Variants in MECR observed in about 807,000 individuals in gnomAD.
MECR encodes the protein enoyl-[acyl-carrier-protein] reductase, mitochondrial.
MECR carries 37 observed loss-of-function variants against 49.1 expected under a neutral mutation model. The ratio of observed to expected loss-of-function variants is 0.75; its 90% confidence interval spans 0.58 to 0.99. The LOEUF (loss-of-function observed/expected upper bound fraction) is 0.99, where lower values mean the gene tolerates loss of function less well. Among genes scored for constraint, MECR ranks in the 50% least tolerant of loss-of-function variants. MECR has a pLI of 0.00. For missense variants in MECR, 470 were observed against 479.6 expected, an observed-to-expected ratio of 0.98 and a Z score of 0.19; for synonymous variants, 198 against 191.1, an observed-to-expected ratio of 1.04 and a Z score of -0.30.
chr1:29,203,246 G>A lies in MECR; in HGVS notation c.551-13C>T, dbSNP rs1438092589. On this transcript the variant is annotated splice_polypyrimidine_tract_variant and intron_variant, in intron 4 of 9. Transcript: ENST00000263702. ...ATGACAGAATCCCCTGTGGAGCCAG[G>A]AAGAGAACCAAATCAAGCCCTGTAT... The A allele has an allele frequency of 1.3e-6, 2 of 1,558,040 alleles. No individual in the cohort carries two copies. The highest frequency in any genetic ancestry group is 3.7e-5 in the Admixed American group (2 of 53,950).
chr1:29,182,400 T>G, the MECR span, among the ~76,000 whole-genome samples: 9 of 152,288 alleles, frequency 5.9e-5, no homozygotes, highest in East Asian at 1.5e-3. Context: ...TTAGTAGTTT[T>G]GTCATATCAA....
downstream of MECR, among the ~76,000 whole-genome samples, chr1:29,187,897 C>T (rs112731442): frequency 0.31 from 44,629 of 146,308 alleles, 7,072 homozygotes; most frequent in Middle Eastern, 0.35. Flanking sequence ...ATTAGCCAGG[C>T]GTGGTGGTGG....
At chr1:29,202,690 C>T (rs1675600194) in intron 5 of MECR, among the ~76,000 whole-genome samples, 1 of 152,198 alleles carries the variant, frequency 6.6e-6, no homozygotes, top group South Asian at 2.1e-4. Flanking sequence ...GATGACAAAC[C>T]TGCCCCTGTC....
chr1:29,209,068 G>T (rs1677306626), intron 3 of MECR, among the ~76,000 whole-genome samples: 1 of 152,164 alleles, frequency 6.6e-6, no homozygotes, highest in African/African-American at 2.4e-5. Context: ...TTGAGACATG[G>T]CTGGCCTGGC....
Position 29,203,252 on chromosome 1 carries a change from A to G in MECR, c.551-19T>C. 1 of 1,548,684 alleles carries G rather than the reference A, an allele frequency of 6.5e-7. No homozygotes were observed. Among genetic ancestry groups the G allele is most frequent in the Non-Finnish European group, 8.8e-7 (1 of 1,138,738 alleles). The stretch of plus-strand genomic sequence containing the variant: ...GAATCCCCTGTGGAGCCAGGAAGAG[A>G]ACCAAATCAAGCCCTGTATAGATCT... On this transcript the variant is annotated intron_variant, in intron 4 of 9. Coordinates refer to ENST00000263702, the MANE Select transcript of MECR (RefSeq NM_016011.5).
intron 1 of MECR, chr1:29,224,452 G>A (rs1043016285): frequency 2.6e-5 from 4 of 152,208 alleles, no homozygotes; most frequent in Admixed American, 6.5e-5. Flanking sequence ...CAATGCCTGT[G>A]TTACTTTCCT....
At chr1:29,176,097 A>G in the MECR span, among the ~76,000 whole-genome samples, 1 of 151,906 alleles carries the variant, frequency 6.6e-6, no homozygotes, top group Non-Finnish European at 1.5e-5. Flanking sequence ...CTAAAAATAC[A>G]AAAAATTAGC....
chr1:29,188,186 T>G (rs1328253717), downstream of MECR, among the ~76,000 whole-genome samples: 1 of 151,064 alleles, frequency 6.6e-6, no homozygotes, highest in African/African-American at 2.4e-5. Flanking sequence ...ATGGGAAGGA[T>G]TTGGAGTTTA....
rs1464020122 is a variant in MECR at position 29,202,046 on chromosome 1, C to A, written c.654-1G>T. The A allele has an allele frequency of 6.2e-7, 1 of 1,613,856 alleles. No homozygotes were observed. On this transcript the variant is annotated splice_acceptor_variant, in intron 5 of 9. Coordinates refer to ENST00000263702, the MANE Select transcript of MECR (RefSeq NM_016011.5). LOFTEE classifies it high-confidence loss of function. ...GTCACTCAGCTTCTGGATATCAGGT[C>A]TGGAAACCAAACATAGGTCCCTGGT... is the stretch of plus-strand genomic sequence containing the variant.
chr1:29,183,494 C>T, the MECR span, among the ~76,000 whole-genome samples: 1 of 152,076 alleles, frequency 6.6e-6, no homozygotes, highest in Non-Finnish European at 1.5e-5. Context: ...TGGCTGTTTC[C>T]TCATATCCTC....
intron 1 of MECR, among the ~76,000 whole-genome samples, chr1:29,229,370 T>C (rs905259700): frequency 6.6e-6 from 1 of 152,056 alleles, no homozygotes; most frequent in African/African-American, 2.4e-5. Flanking sequence ...GCCCGGCTAA[T>C]TTTTTTGTAT....
the MECR span, among the ~76,000 whole-genome samples, chr1:29,176,661 C>T: frequency 6.6e-6 from 1 of 152,126 alleles, no homozygotes; most frequent in African/African-American, 2.4e-5. Context: ...GTATCTAAGG[C>T]TTAATAATGC....
At chr1:29,217,256 C>T (rs1391897202) in intron 1 of MECR, among the ~76,000 whole-genome samples, 1 of 143,236 alleles carries the variant, frequency 7.0e-6, no homozygotes, top group Non-Finnish European at 1.5e-5. Flanking sequence ...GTCACCCAGG[C>T]TGGAGTGCAG....
intron 1 of MECR, 97 bp downstream of exon 1, chr1:29,230,634 T>C (rs1423531278): frequency 1.4e-6 from 2 of 1,452,706 alleles, no homozygotes; most frequent in Non-Finnish European, 1.9e-6. Flanking sequence ...CTCTGCCCCC[T>C]TCCTCGGACC....
the MECR span, chr1:29,170,193 A>T: frequency 6.6e-6 from 1 of 152,214 alleles, no homozygotes; most frequent in African/African-American, 2.4e-5. Flanking sequence ...AAGGGGAATC[A>T]ACTATTGCCT....
the MECR span, among the ~76,000 whole-genome samples, chr1:29,175,673 C>T: frequency 9.6e-6 from 1 of 103,718 alleles, no homozygotes. Flanking sequence ...CCAGCCTGGG[C>T]GACAGAGCCA....
At chr1:29,225,079 GC>G (rs1009888419) in intron 1 of MECR, among the ~76,000 whole-genome samples, 1 of 152,230 alleles carries the variant, frequency 6.6e-6, no homozygotes, top group African/African-American at 2.4e-5. Flanking sequence ...GGGTAGCAGG[GC>G]TTGGCCCTAA....
downstream of MECR, among the ~76,000 whole-genome samples, chr1:29,190,681 C>T (rs961783187): frequency 2.0e-5 from 3 of 151,482 alleles, no homozygotes; most frequent in East Asian, 1.9e-4. Flanking sequence ...CCCAGCTACT[C>T]GGGAGGCTGA....
chr1:29,195,390 C>T (rs565780892), intron 9 of MECR, among the ~76,000 whole-genome samples: 5 of 152,302 alleles, frequency 3.3e-5, no homozygotes, highest in East Asian at 1.9e-4. Flanking sequence ...TTGGAGATCC[C>T]GCTCTGGGGA....
Sources: allele counts gnomAD v4.1 joint callset (sites outside exome capture counted in the v4.1 genomes callset), GRCh38; gene constraint gnomAD v4.1.1; transcripts MANE v1.5; gene names NCBI Gene and HGNC (gene_info 2026-07-23, HGNC 2026-07-21).